PLPP3: variants seen among roughly 807,000 people sequenced by gnomAD.
The protein encoded by PLPP3 is phospholipid phosphatase 3, also known as PAP2 beta.
Under a neutral mutation model 29.6 loss-of-function variants are expected in PLPP3, and 6 were observed. That is an observed-to-expected ratio of 0.20 (90% CI 0.11 to 0.40). PLPP3 has a LOEUF of 0.40. Among genes scored for constraint, PLPP3 ranks in the 10% least tolerant of loss-of-function variants. The probability of loss-of-function intolerance (pLI) is 1.00; values close to 1 mark genes in which losing one functional copy is unlikely to be tolerated. For missense variants in PLPP3, 308 were observed against 407.7 expected (o/e 0.76, Z 2.11); for synonymous variants, 152 against 159.7 (o/e 0.95, Z 0.36).
chr1:56,508,702 G>A (rs188696685), intron 5 of PLPP3, among the ~76,000 whole-genome samples: 337 of 152,244 alleles, frequency 2.2e-3, no homozygotes, highest in African/African-American at 6.0e-3. Flanking sequence ...CTCCTGCTTG[G>A]CACGTGACAG....
intron 5 of PLPP3, among the ~76,000 whole-genome samples, chr1:56,501,875 A>T (rs776887385): frequency 2.6e-5 from 4 of 152,256 alleles, no homozygotes; most frequent in Non-Finnish European, 5.9e-5. Flanking sequence ...CAATATGCTG[A>T]TGGGAGTTTT....
At chr1:56,534,219 C>A (rs1645908806) in intron 2 of PLPP3, among the ~76,000 whole-genome samples, 2 of 152,170 alleles carry the variant, frequency 1.3e-5, no homozygotes, top group African/African-American at 2.4e-5. Flanking sequence ...CTTTGCAAGG[C>A]AGGGATAGGA....
chr1:56,516,007 C>T (rs1476810587), intron 4 of PLPP3, among the ~76,000 whole-genome samples: 1 of 152,082 alleles, frequency 6.6e-6, no homozygotes, highest in Non-Finnish European at 1.5e-5. Flanking sequence ...ACCTTTCTGC[C>T]CTGGTGAATG....
At chr1:56,510,251 C>T (rs1302202813) in intron 5 of PLPP3, among the ~76,000 whole-genome samples, 1 of 152,200 alleles carries the variant, frequency 6.6e-6, no homozygotes, top group Non-Finnish European at 1.5e-5. Context: ...CACCCATCCC[C>T]CACTGTCACC....
At chr1:56,499,306 G>T (rs997249195) in intron 5 of PLPP3, among the ~76,000 whole-genome samples, 4 of 152,086 alleles carry the variant, frequency 2.6e-5, no homozygotes, top group African/African-American at 9.7e-5. Context: ...TAATGATCTG[G>T]ATACCAAAGT....
At chr1:56,574,037 T>A (rs1646218366) in intron 1 of PLPP3, among the ~76,000 whole-genome samples, 1 of 151,776 alleles carries the variant, frequency 6.6e-6, no homozygotes, top group Non-Finnish European at 1.5e-5. Context: ...CTGTCTCTAC[T>A]AAAATACAAA....
chr1:56,494,794 C>T lies in PLPP3; in HGVS notation c.*1757G>A, dbSNP rs1645620877. On this transcript the variant is annotated 3_prime_UTR_variant, in exon 6 of 6. Transcript: ENST00000371250. ...GTTACGAGCTTTTATTTAAAAAGCA[C>T]ATTTAATACAAGTATAGTTTCGCAG... 1 of 152,648 alleles carries T rather than the reference C, an allele frequency of 6.6e-6. No individual in the cohort carries two copies. Among genetic ancestry groups the T allele is most frequent in the South Asian group, 2.1e-4 (1 of 4,834 alleles). The allele number at this position is 152,648 out of a possible 1,614,324, so 9.5% of individuals were successfully genotyped here.
chr1:56,554,823 GATTT>G (rs1557512567), intron 1 of PLPP3, among the ~76,000 whole-genome samples: 1 of 152,076 alleles, frequency 6.6e-6, no homozygotes, highest in African/African-American at 2.4e-5. Context: ...AATAACTGGG[GATTT>G]TCTTAGCACT....
rs1242315619 is a variant in PLPP3 at position 56,545,616 on chromosome 1, G to A, written c.140-8504C>T. On this transcript the variant is annotated intron_variant, in intron 1 of 5. Coordinates refer to ENST00000371250, the MANE Select transcript of PLPP3 (RefSeq NM_003713.5). ...GAAGAAACATCACAGTGGGAACCCT[G>A]CCATATATTCTCAAAAGATCACATG... 2.0e-5 allele frequency among the ~76,000 whole-genome samples: 3 copies of A among 152,270 alleles called. No homozygotes were observed. The East Asian group carries it at 5.8e-4, about 29-fold the overall frequency.
intron 5 of PLPP3, among the ~76,000 whole-genome samples, chr1:56,497,602 A>G (rs1645638874): frequency 6.6e-6 from 1 of 152,220 alleles, no homozygotes. Context: ...AATAGCGACT[A>G]AAACACTATC....
chr1:56,499,081 C>T (rs182376194), intron 5 of PLPP3, among the ~76,000 whole-genome samples: 23,893 of 146,394 alleles, frequency 0.16, 2,831 homozygotes, highest in African/African-American at 0.33. Context: ...CGTCCCCCCC[C>T]CCCACCTTCC....
At chr1:56,571,345 G>A (rs572138733) in intron 1 of PLPP3, among the ~76,000 whole-genome samples, 34 of 152,106 alleles carry the variant, frequency 2.2e-4, no homozygotes, top group Non-Finnish European at 3.7e-4. Flanking sequence ...ATCTCATTTC[G>A]TAAATGAGGA....
At chr1:56,577,397 A>G (rs1484606286) in intron 1 of PLPP3, among the ~76,000 whole-genome samples, 1 of 152,154 alleles carries the variant, frequency 6.6e-6, no homozygotes, top group Admixed American at 6.5e-5. Flanking sequence ...AACTACAGTG[A>G]CTTTTCTTCC....
At chr1:56,522,480 C>A (rs1438667710) in intron 4 of PLPP3, among the ~76,000 whole-genome samples, 1 of 152,042 alleles carries the variant, frequency 6.6e-6, no homozygotes, top group Non-Finnish European at 1.5e-5. Context: ...ACCTAAATAT[C>A]TTTGCTAAAT....
intron 1 of PLPP3, among the ~76,000 whole-genome samples, chr1:56,575,464 C>T (rs1401898984): frequency 2.0e-5 from 3 of 152,182 alleles, no homozygotes; most frequent in Non-Finnish European, 2.9e-5. Flanking sequence ...TTAAATAGCA[C>T]GGTTGCTGAC....
At chr1:56,519,749 T>G (rs1281708723) in intron 4 of PLPP3, among the ~76,000 whole-genome samples, 2 of 151,526 alleles carry the variant, frequency 1.3e-5, no homozygotes, top group South Asian at 2.1e-4. Flanking sequence ...TGGGTTTGTT[T>G]TTTTTTTTTT....
intron 1 of PLPP3, among the ~76,000 whole-genome samples, chr1:56,559,668 T>C (rs1646108151): frequency 6.6e-6 from 1 of 151,888 alleles, no homozygotes; most frequent in Admixed American, 6.6e-5. Flanking sequence ...TTTTGCAAAA[T>C]AACCAAATCC....
rs1228811918 is a variant in PLPP3 at position 56,495,509 on chromosome 1, G to A, written c.*1042C>T. 6.5e-6 allele frequency: 1 copy of A among 152,728 alleles called. No homozygotes were observed. Among genetic ancestry groups the A allele is most frequent in the Non-Finnish European group, 1.5e-5 (1 of 68,092 alleles). The allele number at this position is 152,728 out of a possible 1,614,324, so 9.5% of individuals were successfully genotyped here. On this transcript the variant is annotated 3_prime_UTR_variant, in exon 6 of 6. Coordinates refer to ENST00000371250, the MANE Select transcript of PLPP3 (RefSeq NM_003713.5). ...AACTCCTACAAAGACCCTCAGCTCT[G>A]TCATCCTGAAGGGTAACCTCTCATG...
At chr1:56,510,272 G>C (rs1645731444) in intron 5 of PLPP3, among the ~76,000 whole-genome samples, 1 of 152,194 alleles carries the variant, frequency 6.6e-6, no homozygotes. Context: ...TCACATTAAA[G>C]GGCCAGGCAC....
Sources: allele counts gnomAD v4.1 joint callset (sites outside exome capture counted in the v4.1 genomes callset), GRCh38; gene constraint gnomAD v4.1.1; transcripts MANE v1.5; gene names NCBI Gene and HGNC (gene_info 2026-07-23, HGNC 2026-07-21).